The following ZFHX3 variants were observed in gnomAD, a reference collection of about 807,000 sequenced individuals.
ZFHX3 encodes zinc finger homeobox 3.
A neutral mutation model predicts 279.1 loss-of-function variants in ZFHX3; 42 were observed. The ratio of observed to expected loss-of-function variants is 0.15; its 90% CI spans 0.12 to 0.19. The LOEUF is 0.19. Among genes scored for constraint, ZFHX3 ranks in the 10% least tolerant of loss-of-function variants. ZFHX3 has a pLI of 1.00. For synonymous variants in ZFHX3, 2,293 were observed against 1,957.8 expected (o/e 1.17, Z -4.52); for missense variants, 4,981 against 4,754.0 (o/e 1.05, Z -1.40).
intron 1 of ZFHX3, among the ~76,000 whole-genome samples, chr16:73,742,596 C>T (rs2053669066): frequency 6.6e-6 from 1 of 152,146 alleles, no homozygotes; most frequent in African/African-American, 2.4e-5. Context: ...ATATGGTCAA[C>T]CTGGTTCATA....
chr16:73,696,474 T>C (rs1434009339), intron 1 of ZFHX3, among the ~76,000 whole-genome samples: 1 of 152,174 alleles, frequency 6.6e-6, no homozygotes, highest in Non-Finnish European at 1.5e-5. Flanking sequence ...TGTGTTGGGT[T>C]GGGTCATGAT....
intron 2 of ZFHX3, among the ~76,000 whole-genome samples, chr16:73,576,668 C>T (rs141947751): frequency 3.4e-4 from 52 of 151,686 alleles, no homozygotes; most frequent in African/African-American, 1.3e-3. Context: ...GTGTAATCCT[C>T]CCTAGAACAT....
intron 2 of ZFHX3, among the ~76,000 whole-genome samples, chr16:73,637,453 G>A (rs1343096157): frequency 6.6e-6 from 1 of 151,688 alleles, no homozygotes; most frequent in Non-Finnish European, 1.5e-5. Flanking sequence ...GTCTGGTCTT[G>A]AACTCCTGAC....
At chr16:73,798,277 T>G in intron 1 of ZFHX3, among the ~76,000 whole-genome samples, 1 of 150,912 alleles carries the variant, frequency 6.6e-6, no homozygotes, top group East Asian at 1.9e-4. Context: ...CCTCTGGGGG[T>G]GGGGAGGCGG....
intron 2 of ZFHX3, among the ~76,000 whole-genome samples, chr16:73,591,385 C>CA (rs972060872): frequency 3.4e-5 from 5 of 147,626 alleles, no homozygotes; most frequent in Non-Finnish European, 7.4e-5. Flanking sequence ...AACAAACAAA[C>CA]AAAAATCCAG....
intron 1 of ZFHX3, among the ~76,000 whole-genome samples, chr16:73,038,092 C>CT (rs374240136): frequency 1.2e-3 from 190 of 152,356 alleles, no homozygotes; most frequent in African/African-American, 4.3e-3. Context: ...CCAGAGGGTC[C>CT]TTCCCCTCTT....
intron 3 of ZFHX3, among the ~76,000 whole-genome samples, chr16:73,356,242 A>G (rs1459248300): frequency 6.6e-6 from 1 of 152,154 alleles, no homozygotes; most frequent in Non-Finnish European, 1.5e-5. Context: ...ACAGGACCTA[A>G]TTGATTGCTT....
At chr16:73,557,945 C>T (rs1345585234) in intron 2 of ZFHX3, among the ~76,000 whole-genome samples, 1 of 152,184 alleles carries the variant, frequency 6.6e-6, no homozygotes, top group Non-Finnish European at 1.5e-5. Context: ...TCTGGAGCCT[C>T]TCTGTGGAAG....
intron 1 of ZFHX3, among the ~76,000 whole-genome samples, chr16:72,990,099 G>C (rs548645068): frequency 1.3e-5 from 2 of 152,028 alleles, no homozygotes; most frequent in African/African-American, 4.8e-5. Context: ...ATCAAAAAGC[G>C]CTAAGTCCTG....
intron 2 of ZFHX3, among the ~76,000 whole-genome samples, chr16:73,507,629 G>A (rs2019351122): frequency 6.6e-6 from 1 of 151,304 alleles, no homozygotes; most frequent in African/African-American, 2.4e-5. Context: ...CCAAGTAGCT[G>A]GGACTACAGG....
chr16:73,099,354 G>A (rs555904750), intron 7 of ZFHX3: 33 of 152,230 alleles, frequency 2.2e-4, no homozygotes, highest in African/African-American at 7.7e-4. Flanking sequence ...TGTTGTCGGA[G>A]TTTTTTATTT....
intron 4 of ZFHX3, among the ~76,000 whole-genome samples, chr16:72,860,000 C>T (rs1037687114): frequency 7.2e-5 from 11 of 152,158 alleles, no homozygotes; most frequent in Admixed American, 3.3e-4. Context: ...CAGGCATCTC[C>T]GAAGGGGTGG....
intron 5 of ZFHX3, among the ~76,000 whole-genome samples, chr16:73,212,834 G>T (rs1356481910): frequency 6.6e-6 from 1 of 152,192 alleles, no homozygotes; most frequent in African/African-American, 2.4e-5. Context: ...TCAGCTGGGG[G>T]ATCTTGGGTA....
chr16:72,847,592 AAG>A (rs925860838), intron 4 of ZFHX3, among the ~76,000 whole-genome samples: 1 of 152,082 alleles, frequency 6.6e-6, no homozygotes, highest in African/African-American at 2.4e-5. Flanking sequence ...GCCAAGGGAA[AAG>A]AGGGGATGGA....
In ZFHX3 at chr16:72,800,028, A is replaced by G. The variant is rs1242865745; in HGVS notation, c.3966T>C (p.Pro1322=). The change falls in exon 8 of 10, where the codon CCT becomes CCC. Residue 1322 remains proline (P), a splice_region_variant and synonymous_variant. Coordinates refer to ENST00000268489, the MANE Select transcript of ZFHX3 (RefSeq NM_006885.4). ...GGGGTCAAGAATAATGATACTGACC[A>G]GGCTGCTTTCCTGCCTCTTCCAAAT... The part of the protein sequence containing the change: ...NSNLEEAGKQ[P]ETSEDLGKNI... 2.5e-6 allele frequency: 4 copies of G among 1,613,818 alleles called. No homozygotes were observed. Among genetic ancestry groups the G allele is most frequent in the African/African-American group, 2.7e-5 (2 of 74,910 alleles).
At position 73,531,787 on chromosome 16, in the gene ZFHX3, A is replaced by G. The variant is rs1567511263; in HGVS notation, c.-1546-75529T>C. Among the ~76,000 whole-genome samples the G allele has an allele frequency of 1.3e-5, 2 of 150,150 alleles. 1 individual carries two copies. Among genetic ancestry groups the G allele is most frequent in the African/African-American group, 4.9e-5 (2 of 40,784 alleles). On this transcript the variant is annotated intron_variant, in intron 2 of 17. Transcript: ENST00000641206. ...ACTGCAGATTTGCTATGTCCTACTG[A>G]TAGAATATTGTTATTTTTAGGCTGT...
intron 3 of ZFHX3, among the ~76,000 whole-genome samples, chr16:72,935,859 G>T (rs1960095280): frequency 6.6e-6 from 1 of 152,086 alleles, no homozygotes; most frequent in Admixed American, 6.6e-5. Context: ...GATCCCACCG[G>T]TAAGGATCTT....
At chr16:73,621,980 C>T (rs187985917) in intron 2 of ZFHX3, among the ~76,000 whole-genome samples, 2 of 152,204 alleles carry the variant, frequency 1.3e-5, no homozygotes, top group African/African-American at 4.8e-5. Flanking sequence ...GAGATGGACA[C>T]AGCCCTTCCC....
chr16:73,067,233 C>A (rs1965766424), intron 8 of ZFHX3, among the ~76,000 whole-genome samples: 1 of 152,222 alleles, frequency 6.6e-6, no homozygotes, highest in African/African-American at 2.4e-5. Flanking sequence ...GAGCCGACCC[C>A]TCTTTCCGCA....
Sources: gnomAD v4.1 joint callset for allele counts (sites outside exome capture counted in the v4.1 genomes callset) on GRCh38, gnomAD v4.1.1 for gene constraint, MANE v1.5 for transcripts, NCBI Gene and HGNC (gene_info 2026-07-23, HGNC 2026-07-21) for gene names.